The following CSMD1 variants were observed in gnomAD, a reference collection of about 807,000 sequenced individuals.
The protein encoded by CSMD1 is CUB and sushi domain-containing protein 1.
A neutral mutation model predicts 417.5 loss-of-function variants in CSMD1; 213 were observed. The observed-to-expected ratio is 0.51, with a 90% CI of 0.46 to 0.57. The LOEUF is 0.57. Among genes scored for constraint, CSMD1 ranks in the 20% least tolerant of loss-of-function variants. The pLI, the probability that CSMD1 is intolerant of heterozygous loss-of-function variation, is 0.00. For synonymous variants in CSMD1, 2,862 were observed against 1,736.8 expected, an observed-to-expected ratio of 1.65 and a Z score of -16.11; for missense variants, 6,923 against 4,529.7, an observed-to-expected ratio of 1.53 and a Z score of -15.17.
chr8:3,649,585 C>A (rs1458023204), intron 7 of CSMD1, among the ~76,000 whole-genome samples: 1 of 152,068 alleles, frequency 6.6e-6, no homozygotes, highest in Non-Finnish European at 1.5e-5. Flanking sequence ...GGGAGAGCCT[C>A]TTATAAAACC....
At chr8:4,968,994 T>G (rs1003460506) in intron 1 of CSMD1, among the ~76,000 whole-genome samples, 1 of 152,178 alleles carries the variant, frequency 6.6e-6, no homozygotes, top group East Asian at 1.9e-4. Context: ...TAGGTTTTTA[T>G]GAAACCAAGA....
intron 1 of CSMD1, among the ~76,000 whole-genome samples, chr8:4,670,377 T>A (rs750489660): frequency 2.6e-5 from 4 of 152,154 alleles, no homozygotes; most frequent in Non-Finnish European, 5.9e-5. Flanking sequence ...ATGAAATACA[T>A]GTTCTCCTAA....
At chr8:4,205,134 C>G (rs978996343) in intron 3 of CSMD1, among the ~76,000 whole-genome samples, 8 of 152,124 alleles carry the variant, frequency 5.3e-5, no homozygotes, top group African/African-American at 1.9e-4. Flanking sequence ...TTTATCTCAA[C>G]TCTGTTGAAT....
chr8:3,117,391 T>A (rs1302124247), intron 42 of CSMD1, among the ~76,000 whole-genome samples: 36 of 152,144 alleles, frequency 2.4e-4, no homozygotes, highest in Admixed American at 2.4e-3. Flanking sequence ...ATAAAAACTG[T>A]GATTTTAAAA....
chr8:4,143,749 T>A (rs2131026173), intron 3 of CSMD1, among the ~76,000 whole-genome samples: 2 of 151,186 alleles, frequency 1.3e-5, no homozygotes, highest in Middle Eastern at 6.8e-3. Flanking sequence ...AAAGGGGGGA[T>A]TTATTAAAGC....
chr8:3,006,907 G>C (rs574019197), intron 52 of CSMD1, among the ~76,000 whole-genome samples: 71 of 137,110 alleles, frequency 5.2e-4, no homozygotes, highest in African/African-American at 1.3e-3. Flanking sequence ...GGCAACAAAA[G>C]ACAAAATTGA....
At chr8:4,398,086 G>A (rs908824943) in intron 3 of CSMD1, among the ~76,000 whole-genome samples, 4 of 152,164 alleles carry the variant, frequency 2.6e-5, no homozygotes, top group African/African-American at 9.7e-5. Context: ...TATCAGTCAA[G>A]GAAGAGATAT....
intron 1 of CSMD1, among the ~76,000 whole-genome samples, chr8:4,898,657 G>T (rs1344428980): frequency 6.6e-6 from 1 of 152,174 alleles, no homozygotes; most frequent in East Asian, 1.9e-4. Flanking sequence ...TATGAAAATT[G>T]TCAAATTATA....
intron 1 of CSMD1, among the ~76,000 whole-genome samples, chr8:4,668,480 C>T (rs1805089956): frequency 6.8e-6 from 1 of 147,488 alleles, no homozygotes; most frequent in South Asian, 2.2e-4. Flanking sequence ...GATGGAGTCT[C>T]GCTCTGTCAC....
chr8:4,113,487 C>T (rs917292828), intron 3 of CSMD1, among the ~76,000 whole-genome samples: 1 of 147,356 alleles, frequency 6.8e-6, no homozygotes, highest in African/African-American at 2.5e-5. Flanking sequence ...TCACTGCAAC[C>T]TCTGCCTCCC....
chr8:3,585,216 C>A (rs1800548584), intron 9 of CSMD1, among the ~76,000 whole-genome samples: 1 of 152,194 alleles, frequency 6.6e-6, no homozygotes, highest in Admixed American at 6.5e-5. Flanking sequence ...TGTTTGGTAA[C>A]TAGTTATTTT....
chr8:4,417,202 C>A (rs1796988845), intron 3 of CSMD1, among the ~76,000 whole-genome samples: 1 of 152,044 alleles, frequency 6.6e-6, no homozygotes, highest in Non-Finnish European at 1.5e-5. Context: ...TAAAATTTAT[C>A]AGTGTTCCCA....
chr8:3,852,532 G>A (rs952299182), intron 5 of CSMD1, among the ~76,000 whole-genome samples: 1 of 152,174 alleles, frequency 6.6e-6, no homozygotes, highest in Non-Finnish European at 1.5e-5. Flanking sequence ...AAACATAGTA[G>A]ATGGTGTTAG....
intron 42 of CSMD1, among the ~76,000 whole-genome samples, chr8:3,115,026 AT>A (rs1339319506): frequency 2.0e-5 from 3 of 152,212 alleles, no homozygotes; most frequent in Non-Finnish European, 4.4e-5. Flanking sequence ...AATGCCTAAA[AT>A]TATATTTTTA....
At position 3,197,565 on chromosome 8, in the gene CSMD1, A is replaced by C. The variant is rs1325314730; in HGVS notation, c.5194+2149T>G. On this transcript the variant is annotated intron_variant, in intron 33 of 69. Transcript: ENST00000635120. ...ACTGCAAGCTCCGCCTCCCGGGTTC[A>C]CGCCATTCTCCTGCCTCAGCCTCCC... is the stretch of plus-strand genomic sequence containing the variant. Among the ~76,000 whole-genome samples, 3 of 149,276 alleles carry C rather than the reference A, an allele frequency of 2.0e-5. No homozygotes were observed. The South Asian group carries it at 6.3e-4, about 31-fold the overall frequency.
chr8:3,279,994 C>G (rs1802605646), intron 26 of CSMD1, among the ~76,000 whole-genome samples: 1 of 152,172 alleles, frequency 6.6e-6, no homozygotes, highest in South Asian at 2.1e-4. Context: ...GGAATTAGTA[C>G]AGAGATCCGG....
intron 20 of CSMD1, 80 bp downstream of exon 20, chr8:3,366,952 A>G: frequency 9.3e-7 from 1 of 1,072,890 alleles, no homozygotes; most frequent in South Asian, 1.4e-5. Flanking sequence ...ACACACACAC[A>G]CACACCCACA....
intron 5 of CSMD1, among the ~76,000 whole-genome samples, chr8:3,789,085 C>A (rs867794065): frequency 1.3e-5 from 2 of 152,144 alleles, no homozygotes; most frequent in Non-Finnish European, 2.9e-5. Context: ...TAAGCACCAA[C>A]ATGGGGGGAT....
At chr8:4,505,416 A>C (rs534820702) in intron 2 of CSMD1, among the ~76,000 whole-genome samples, 1 of 152,328 alleles carries the variant, frequency 6.6e-6, no homozygotes, top group South Asian at 2.1e-4. Context: ...TAAATCAATA[A>C]AACTTTGAAA....
Sources: allele counts gnomAD v4.1 joint callset (sites outside exome capture counted in the v4.1 genomes callset), GRCh38; gene constraint gnomAD v4.1.1; transcripts MANE v1.5; gene names NCBI Gene and HGNC (gene_info 2026-07-23, HGNC 2026-07-21).